Variants in RIMS2 observed in about 807,000 individuals in gnomAD.
RIMS2 encodes the protein regulating synaptic membrane exocytosis protein 2.
A neutral mutation model predicts 174.4 loss-of-function variants in RIMS2; 59 were observed. The ratio of observed to expected loss-of-function variants is 0.34; its 90% CI spans 0.27 to 0.42. The LOEUF (loss-of-function observed/expected upper bound fraction) is 0.42. Among genes scored for constraint, RIMS2 ranks in the 10% least tolerant of loss-of-function variants. The pLI is 1.00. For missense variants in RIMS2, 1,620 were observed against 1,666.3 expected (o/e 0.97, Z 0.48); for synonymous variants, 606 against 572.5 (o/e 1.06, Z -0.84).
chr8:103,718,902 G>T (rs1416135134), intron 2 of RIMS2, among the ~76,000 whole-genome samples: 1 of 151,814 alleles, frequency 6.6e-6, no homozygotes, highest in Non-Finnish European at 1.5e-5. Flanking sequence ...CAAATGCCTC[G>T]GCCTCCTGAA....
chr8:104,055,874 G>T (rs543853882), intron 19 of RIMS2, among the ~76,000 whole-genome samples: 1 of 152,004 alleles, frequency 6.6e-6, no homozygotes, highest in East Asian at 1.9e-4. Context: ...CTAGGCTCTG[G>T]CTAATCCTCT....
intron 19 of RIMS2, among the ~76,000 whole-genome samples, chr8:104,106,177 T>C (rs1402586578): frequency 6.6e-6 from 1 of 151,448 alleles, no homozygotes; most frequent in Non-Finnish European, 1.5e-5. Flanking sequence ...CAGACAGTCC[T>C]CTCACTGATG....
rs191901563 is a variant in RIMS2 at position 104,091,066 on chromosome 8, C to T, written c.3334+76451C>T. On this transcript the variant is annotated intron_variant, in intron 19 of 23. Coordinates refer to ENST00000504942, the Ensembl canonical transcript of RIMS2. ...TATCTTGCTTAATCCTTGCAGCAAGCCTTGGAGATAGGCACAATTATTATC... is the reference window on the plus strand; with the variant it reads ...TATCTTGCTTAATCCTTGCAGCAAGTCTTGGAGATAGGCACAATTATTATC... 9.5e-4 allele frequency among the ~76,000 whole-genome samples: 144 copies of T among 151,782 alleles called. 1 individual carries two copies. Among genetic ancestry groups the T allele is most frequent in the African/African-American group, 3.4e-3 (143 of 41,490 alleles).
chr8:103,899,090 A>G (rs958411983), intron 4 of RIMS2, among the ~76,000 whole-genome samples: 1 of 151,728 alleles, frequency 6.6e-6, no homozygotes, highest in Non-Finnish European at 1.5e-5. Context: ...CATGGTGTAT[A>G]TGTGCCACAT....
chr8:104,007,616 T>C (rs896366034), intron 17 of RIMS2, among the ~76,000 whole-genome samples: 4 of 152,344 alleles, frequency 2.6e-5, no homozygotes, highest in Middle Eastern at 3.4e-3. Flanking sequence ...AGCAGACTTA[T>C]TTCAAATTCC....
intron 1 of RIMS2, among the ~76,000 whole-genome samples, chr8:103,580,445 ATGTGTGTGTGTG>A (rs35882328): frequency 4.0e-5 from 6 of 149,762 alleles, no homozygotes; most frequent in Non-Finnish European, 7.4e-5. Flanking sequence ...ATATGTGTGC[ATGTGTGTGTGTG>A]TGTGTGTGTG....
At chr8:103,859,249 A>T (rs1193984306) in intron 3 of RIMS2, among the ~76,000 whole-genome samples, 2 of 152,092 alleles carry the variant, frequency 1.3e-5, no homozygotes, top group Admixed American at 6.6e-5. Context: ...TGGAACCTTC[A>T]CTTTCCGTAA....
chr8:103,838,105 C>G (rs2098915431), intron 3 of RIMS2, among the ~76,000 whole-genome samples: 1 of 152,032 alleles, frequency 6.6e-6, no homozygotes, highest in South Asian at 2.1e-4. Flanking sequence ...AGCCATCATG[C>G]CTGGCTAATT....
chr8:104,163,129 C>G (rs1271773147), intron 19 of RIMS2, among the ~76,000 whole-genome samples: 2 of 152,162 alleles, frequency 1.3e-5, no homozygotes, highest in Non-Finnish European at 2.9e-5. Flanking sequence ...GCTTTGAAAA[C>G]TGTCTGGCAT....
At chr8:103,978,975 A>G (rs1217619456) in intron 16 of RIMS2, among the ~76,000 whole-genome samples, 3 of 152,244 alleles carry the variant, frequency 2.0e-5, no homozygotes, top group Non-Finnish European at 2.9e-5. Context: ...ACTGGTAACA[A>G]AAACTTGTTA....
exon 21 of RIMS2, chr8:104,248,715 G>C: frequency 6.2e-7 from 1 of 1,602,332 alleles, no homozygotes. Context: ...ATTTTCCCTG[G>C]TGTTCGCTTG....
chr8:103,823,838 T>C (rs761250678), intron 3 of RIMS2, among the ~76,000 whole-genome samples: 2 of 152,086 alleles, frequency 1.3e-5, no homozygotes, highest in African/African-American at 2.4e-5. Context: ...TCCAGCACAG[T>C]TGATTTTTCA....
intron 1 of RIMS2, among the ~76,000 whole-genome samples, chr8:103,654,034 G>A (rs1171511092): frequency 6.6e-6 from 1 of 152,004 alleles, no homozygotes; most frequent in Admixed American, 6.6e-5. Flanking sequence ...TAACTAGCAA[G>A]CATTATATTA....
intron 2 of RIMS2, among the ~76,000 whole-genome samples, chr8:103,751,912 A>G (rs1266893664): frequency 6.6e-6 from 1 of 151,648 alleles, no homozygotes; most frequent in Admixed American, 6.6e-5. Context: ...GTTCACTCTG[A>G]TGGTAGTTTC....
chr8:103,954,322 C>G (rs1462936808), intron 14 of RIMS2, among the ~76,000 whole-genome samples: 1 of 152,220 alleles, frequency 6.6e-6, no homozygotes, highest in African/African-American at 2.4e-5. Context: ...CCACATCACA[C>G]TTATTCTAAA....
At chr8:103,937,023 G>A (rs779371365) in intron 13 of RIMS2, among the ~76,000 whole-genome samples, 16 of 151,960 alleles carry the variant, frequency 1.1e-4, no homozygotes, top group Admixed American at 2.6e-4. Flanking sequence ...GCGTGAGCCC[G>A]GGAGGCAGAG....
At chr8:103,632,278 T>TA (rs2095945902) in intron 1 of RIMS2, among the ~76,000 whole-genome samples, 1 of 152,208 alleles carries the variant, frequency 6.6e-6, no homozygotes, top group Non-Finnish European at 1.5e-5. Flanking sequence ...AGATGACTCT[T>TA]ATTATTTTAA....
intron 1 of RIMS2, among the ~76,000 whole-genome samples, chr8:103,567,952 T>C (rs542794646): frequency 2.0e-5 from 3 of 152,300 alleles, no homozygotes; most frequent in Admixed American, 2.0e-4. Context: ...GCTGTTTTTA[T>C]ATTTTATTTG....
chr8:103,815,833 A>C (rs1331212990), intron 3 of RIMS2, among the ~76,000 whole-genome samples: 3 of 152,330 alleles, frequency 2.0e-5, no homozygotes, highest in Non-Finnish European at 4.4e-5. Flanking sequence ...TGTATACTTT[A>C]TAATTTATAA....
Sources: allele counts gnomAD v4.1 joint callset (sites outside exome capture counted in the v4.1 genomes callset), GRCh38; gene constraint gnomAD v4.1.1; transcripts MANE v1.5; gene names NCBI Gene and HGNC (gene_info 2026-07-23, HGNC 2026-07-21).